SH3PXD2A: variants seen among roughly 807,000 people sequenced by gnomAD.
SH3PXD2A encodes SH3 and PX domain-containing protein 2A.
In SH3PXD2A, 32 loss-of-function variants were observed where a neutral mutation model predicts 115.2. The observed-to-expected ratio is 0.28, with a 90% confidence interval of 0.21 to 0.37. The LOEUF (loss-of-function observed/expected upper bound fraction) is 0.37. SH3PXD2A is among the 10% of genes least tolerant of loss of function. The pLI, the probability that SH3PXD2A is intolerant of heterozygous loss-of-function variation, is 1.00. For missense variants in SH3PXD2A, 1,328 were observed against 1,498.7 expected (o/e 0.89, Z 1.88); for synonymous variants, 610 against 629.1 (o/e 0.97, Z 0.45).
Position 103,678,591 on chromosome 10 carries a change from T to C in SH3PXD2A, c.428-9939A>G, listed in dbSNP as rs146525600. On this transcript the variant is annotated intron_variant, in intron 6 of 14. Coordinates refer to ENST00000369774, the MANE Select transcript of SH3PXD2A (RefSeq NM_001394015.1). ...TCCCAGCGTGGGAAGGTTGGGACAC[T>C]TCTCTGGGCCTCACTGGTCTTGACC... 7.8e-3 allele frequency among the ~76,000 whole-genome samples: 1,195 copies of C among 152,340 alleles called. 6 individuals are homozygous for C. The highest frequency in any genetic ancestry group is 0.02 in the Middle Eastern group (6 of 294).
intron 7 of SH3PXD2A, among the ~76,000 whole-genome samples, chr10:103,662,385 GCT>G (rs1491558425): frequency 1.0e-5 from 1 of 95,292 alleles, no homozygotes; most frequent in East Asian, 2.8e-4. Context: ...AATATGATGT[GCT>G]TTTTTTTTTT....
At chr10:103,675,605 G>A (rs962250036) in intron 6 of SH3PXD2A, among the ~76,000 whole-genome samples, 5 of 152,164 alleles carry the variant, frequency 3.3e-5, no homozygotes, top group African/African-American at 9.7e-5. Flanking sequence ...CAAATAAGTC[G>A]TAGGGCTGGA....
intron 5 of SH3PXD2A, among the ~76,000 whole-genome samples, chr10:103,699,112 G>A (rs2134139259): frequency 6.6e-6 from 1 of 152,236 alleles, no homozygotes. Context: ...TGACAGCTGG[G>A]GGTTGGGGGC....
At chr10:103,813,613 T>G (rs1028291763) in intron 1 of SH3PXD2A, among the ~76,000 whole-genome samples, 2 of 152,238 alleles carry the variant, frequency 1.3e-5, no homozygotes, top group African/African-American at 4.8e-5. Context: ...CCACCGTGCC[T>G]GGCCAACATT....
intron 1 of SH3PXD2A, among the ~76,000 whole-genome samples, chr10:103,843,815 G>A (rs1012934494): frequency 1.3e-5 from 2 of 152,160 alleles, no homozygotes; most frequent in African/African-American, 4.8e-5. Flanking sequence ...GGCTCCCACT[G>A]TTGCTGCCAG....
intron 14 of SH3PXD2A, 82 bp downstream of exon 14, chr10:103,605,716 C>T (rs1164283774): frequency 6.4e-7 from 1 of 1,574,572 alleles, no homozygotes; most frequent in East Asian, 2.2e-5. Context: ...AGGAATCTTA[C>T]TAGCAAGGCC....
In SH3PXD2A at chr10:103,847,763, AC is replaced by A. The variant is rs1212877042; in HGVS notation, c.72+7431del. 2.6e-5 allele frequency among the ~76,000 whole-genome samples: 4 copies of A among 152,034 alleles called. 1 individual carries two copies. In the East Asian group the frequency reaches 7.7e-4, roughly 29 times the overall value. On this transcript the variant is annotated intron_variant, in intron 1 of 14. Transcript: ENST00000369774. The stretch of plus-strand genomic sequence containing the variant: ...AGACCAGCCTGGCCAACATGGCAAA[AC>A]CCCACCTCTACTAAGAATACAAAAA...
chr10:103,687,276 C>T (rs1316482852), intron 6 of SH3PXD2A, among the ~76,000 whole-genome samples: 1 of 152,114 alleles, frequency 6.6e-6, no homozygotes, highest in Non-Finnish European at 1.5e-5. Context: ...CCTAGCCAGC[C>T]CCCACAATTG....
At chr10:103,673,829 G>C (rs1357002935) in intron 6 of SH3PXD2A, among the ~76,000 whole-genome samples, 1 of 152,200 alleles carries the variant, frequency 6.6e-6, no homozygotes, top group Non-Finnish European at 1.5e-5. Context: ...GAATGAAAGA[G>C]AACCACAGGC....
At chr10:103,779,464 T>TGGTGCTGGAGCAGGGAG (rs1404314870) in intron 2 of SH3PXD2A, among the ~76,000 whole-genome samples, 4 of 152,050 alleles carry the variant, frequency 2.6e-5, no homozygotes, top group Non-Finnish European at 5.9e-5. Flanking sequence ...TGGGGGAGCC[T>TGGTGCTGGAGCAGGGAG]GGTGCTGGAG....
At chr10:103,636,268 G>A (rs2133974621) in intron 8 of SH3PXD2A, among the ~76,000 whole-genome samples, 1 of 152,242 alleles carries the variant, frequency 6.6e-6, no homozygotes, top group South Asian at 2.1e-4. Flanking sequence ...AATTAGCCGG[G>A]CGTGGTGGCG....
chr10:103,621,470 G>T (rs1322379153), intron 10 of SH3PXD2A, among the ~76,000 whole-genome samples: 4 of 152,210 alleles, frequency 2.6e-5, no homozygotes, highest in Non-Finnish European at 5.9e-5. Context: ...CTGTGTCCAG[G>T]CTTCCTGCTG....
Position 103,627,685 on chromosome 10 carries a change from G to A in SH3PXD2A, c.605-483C>T, listed in dbSNP as rs2036719140. On this transcript the variant is annotated intron_variant, in intron 8 of 14. Transcript: ENST00000369774. This position sits in a 1 kb window ranked among gnomAD's most constrained non-coding sequence, Gnocchi z 4.4. Reference sequence around the variant, plus strand: ...CCCATCGCGGGTCAGCGGTACCTTCGCATTGGTGCCACTCACAGCTGCCCT... The same window carrying A: ...CCCATCGCGGGTCAGCGGTACCTTCACATTGGTGCCACTCACAGCTGCCCT... 3.3e-5 allele frequency among the ~76,000 whole-genome samples: 5 copies of A among 152,288 alleles called. No homozygotes were observed. In the South Asian group the frequency reaches 1.0e-3, roughly 32 times the overall value.
At chr10:103,646,927 G>A (rs1409409156) in intron 8 of SH3PXD2A, among the ~76,000 whole-genome samples, 2 of 152,108 alleles carry the variant, frequency 1.3e-5, no homozygotes, top group Non-Finnish European at 2.9e-5. Context: ...TAGAAAGCTG[G>A]GGGAAGTCAC....
At chr10:103,764,026 C>T (rs1178823336) in intron 3 of SH3PXD2A, among the ~76,000 whole-genome samples, 1 of 152,328 alleles carries the variant, frequency 6.6e-6, no homozygotes, top group East Asian at 1.9e-4. Context: ...AAGCCACTAG[C>T]AGGCGAATCC....
At chr10:103,671,779 G>A (rs543995507) in intron 6 of SH3PXD2A, among the ~76,000 whole-genome samples, 3 of 152,274 alleles carry the variant, frequency 2.0e-5, no homozygotes, top group East Asian at 1.9e-4. Flanking sequence ...GGGGGGAGGC[G>A]GGGGGCGCAG....
At chr10:103,781,356 C>G (rs540267940) in intron 2 of SH3PXD2A, among the ~76,000 whole-genome samples, 7 of 152,208 alleles carry the variant, frequency 4.6e-5, no homozygotes, top group Admixed American at 4.6e-4. Context: ...TTCATATTCT[C>G]TCTTCCTTTG....
intron 8 of SH3PXD2A, among the ~76,000 whole-genome samples, chr10:103,633,688 A>C (rs1274114765): frequency 1.4e-5 from 2 of 138,504 alleles, no homozygotes; most frequent in African/African-American, 5.4e-5. Flanking sequence ...AGATCATGCC[A>C]CAGCACTCCA....
chr10:103,734,724 G>T (rs772575603), intron 4 of SH3PXD2A, among the ~76,000 whole-genome samples: 14 of 152,126 alleles, frequency 9.2e-5, no homozygotes, highest in Non-Finnish European at 1.9e-4. Context: ...ACTCCAGCCT[G>T]GGCTGCAGAG....
Sources: allele counts gnomAD v4.1 joint callset (sites outside exome capture counted in the v4.1 genomes callset), GRCh38; gene constraint gnomAD v4.1.1; non-coding constraint Gnocchi (gnomAD v3.1); transcripts MANE v1.5; gene names NCBI Gene and HGNC (gene_info 2026-07-23, HGNC 2026-07-21).